LMLN: variants seen among roughly 807,000 people sequenced by gnomAD.
LMLN encodes leishmanolysin-like peptidase.
Under a neutral mutation model 92.3 loss-of-function variants are expected in LMLN, and 70 were observed. The ratio of observed to expected loss-of-function variants is 0.76; its 90% confidence interval spans 0.63 to 0.92. The LOEUF (loss-of-function observed/expected upper bound fraction) is 0.92. LMLN is among the 40% of genes least tolerant of loss of function. The probability of loss-of-function intolerance (pLI) is 0.00; values close to 1 mark genes in which losing one functional copy is unlikely to be tolerated. For missense variants in LMLN, 691 were observed against 814.6 expected (o/e 0.85, Z 1.85); for synonymous variants, 308 against 296.2 (o/e 1.04, Z -0.41).
intron 14 of LMLN, among the ~76,000 whole-genome samples, chr3:198,028,649 A>G (rs942180977): frequency 6.6e-6 from 1 of 152,172 alleles, no homozygotes; most frequent in Non-Finnish European, 1.5e-5. Flanking sequence ...TTTTAATATA[A>G]ATTTTTAAGT....
chr3:197,996,647 G>T (rs1250566844), intron 10 of LMLN: 1 of 155,160 alleles, frequency 6.4e-6, no homozygotes, highest in African/African-American at 2.4e-5. Flanking sequence ...AGACTTGTGG[G>T]AAAAACAAGT....
chr3:197,976,090 C>G (rs369836591), exon 4 of LMLN: 3 of 1,605,048 alleles, frequency 1.9e-6, no homozygotes, highest in Non-Finnish European at 2.6e-6. Context: ...CGTCGACCTG[C>G]GGGCACTATC....
rs1721121071 is a variant in LMLN at position 197,968,356 on chromosome 3, GCTA to G, written c.220-6018_220-6016del. ...GTGGTGGCAGGCACCTGTAGTCCCA[GCTA>G]CTTGGGAGGCTGAGGCAGGAGAATG... On this transcript the variant is annotated intron_variant, in intron 1 of 15. Transcript: ENST00000330198. 2.0e-5 allele frequency among the ~76,000 whole-genome samples: 3 copies of G among 152,070 alleles called. No homozygotes were observed. The South Asian group carries it at 6.2e-4, about 31-fold the overall frequency.
At chr3:198,024,097 A>G (rs1440862646) in intron 13 of LMLN, among the ~76,000 whole-genome samples, 1 of 151,954 alleles carries the variant, frequency 6.6e-6, no homozygotes, top group African/African-American at 2.4e-5. Context: ...TCTTCTATAT[A>G]TTTAACCTAG....
intron 8 of LMLN, 105 bp downstream of exon 8, chr3:197,985,995 G>T: frequency 1.4e-6 from 1 of 691,658 alleles, no homozygotes; most frequent in South Asian, 1.9e-5. Context: ...ATGTCTTCAT[G>T]GCAAACCTAA....
intron 11 of LMLN, among the ~76,000 whole-genome samples, chr3:198,014,383 T>C (rs1722554475): frequency 9.9e-6 from 1 of 101,090 alleles, no homozygotes; most frequent in African/African-American, 4.2e-5. Context: ...GTCTAACTTC[T>C]CTGTATCCTT....
At chr3:197,995,896 C>CA (rs1373393802) in intron 9 of LMLN, among the ~76,000 whole-genome samples, 1 of 152,048 alleles carries the variant, frequency 6.6e-6, no homozygotes, top group African/African-American at 2.4e-5. Flanking sequence ...TTACAACTGT[C>CA]AATCATCCTA....
chr3:198,039,598 C>CT (rs1723341780), exon 16 of LMLN: 5 of 148,648 alleles, frequency 3.4e-5, no homozygotes, highest in African/African-American at 1.3e-4. Context: ...GACCCTGTAT[C>CT]TTAAAAAAAA....
chr3:197,997,843 G>C (rs762463212), intron 10 of LMLN, among the ~76,000 whole-genome samples: 5 of 152,104 alleles, frequency 3.3e-5, no homozygotes, highest in Non-Finnish European at 7.4e-5. Flanking sequence ...TATGAATGTA[G>C]CATAACAGTT....
At chr3:197,969,880 A>G (rs546484564) in intron 1 of LMLN, among the ~76,000 whole-genome samples, 1 of 152,340 alleles carries the variant, frequency 6.6e-6, no homozygotes, top group African/African-American at 2.4e-5. Context: ...ACAGTGGCTC[A>G]TGCTTGTAAT....
chr3:197,968,052 A>T (rs941238350), intron 1 of LMLN, among the ~76,000 whole-genome samples: 1 of 152,208 alleles, frequency 6.6e-6, no homozygotes, highest in Non-Finnish European at 1.5e-5. Context: ...GTTCAAACAC[A>T]CATGTTTTAC....
At chr3:197,974,998 G>A (rs778723894) in intron 2 of LMLN, 44 bp from the exon 3 acceptor site, 132 of 1,295,320 alleles carry the variant, frequency 1.0e-4, no homozygotes, top group Non-Finnish European at 1.3e-4. Flanking sequence ...CATGTGCTAT[G>A]CCTCTGAGAG....
intron 1 of LMLN, among the ~76,000 whole-genome samples, chr3:197,965,007 CAAA>C (rs954254964): frequency 9.9e-5 from 9 of 91,042 alleles, no homozygotes; most frequent in South Asian, 3.4e-4. Context: ...AACTCTGTCT[CAAA>C]AAAAAAAAAA....
chr3:197,985,939 A>C (rs761962306), intron 8 of LMLN, 49 bp downstream of exon 8: 1 of 1,131,854 alleles, frequency 8.8e-7, no homozygotes, highest in South Asian at 1.2e-5. Context: ...GAGGGTGCTA[A>C]GACTAGAATC....
At chr3:197,975,688 A>G (rs760958089) in intron 3 of LMLN, among the ~76,000 whole-genome samples, 1 of 152,244 alleles carries the variant, frequency 6.6e-6, no homozygotes, top group Non-Finnish European at 1.5e-5. Flanking sequence ...GTTGAGATAT[A>G]TCACAGTTTT....
At chr3:197,968,859 T>A (rs894866178) in intron 1 of LMLN, among the ~76,000 whole-genome samples, 1 of 152,264 alleles carries the variant, frequency 6.6e-6, no homozygotes, top group African/African-American at 2.4e-5. Flanking sequence ...TTGAAAGTCA[T>A]AAACTATGAA....
intron 1 of LMLN, among the ~76,000 whole-genome samples, chr3:197,961,436 C>T (rs989073185): frequency 6.6e-6 from 1 of 152,208 alleles, no homozygotes; most frequent in Non-Finnish European, 1.5e-5. Flanking sequence ...CATGCATACT[C>T]TTCATAACCA....
rs769025220 is a variant in LMLN, at chr3:197,984,100, T to G, written c.834+52T>G. On this transcript the variant is annotated intron_variant, in intron 7 of 15. Coordinates refer to ENST00000330198, the Ensembl canonical transcript of LMLN. Reference sequence around the variant, plus strand: ...CTTCATGCCTTGATTTTCTGCTTAGTATGTTCTCATTTTTATACATATATT... The same window carrying G: ...CTTCATGCCTTGATTTTCTGCTTAGGATGTTCTCATTTTTATACATATATT... 7 of 1,161,928 alleles carry G rather than the reference T, an allele frequency of 6.0e-6. No individual in the cohort carries two copies. The Admixed American group carries it at 1.2e-4, about 20-fold the overall frequency. 72.0% of individuals were successfully genotyped at this position (1,161,928 alleles called of 1,614,324 possible). A position where few individuals can be genotyped will look rare whatever the true frequency, so the allele number is the denominator to read the frequency against.
chr3:198,028,238 A>G (rs1215432066), intron 14 of LMLN, among the ~76,000 whole-genome samples: 1 of 151,836 alleles, frequency 6.6e-6, no homozygotes, highest in Non-Finnish European at 1.5e-5. Flanking sequence ...CCATGTTCAC[A>G]TTAGGGTTCA....
Sources: gnomAD v4.1 joint callset for allele counts (sites outside exome capture counted in the v4.1 genomes callset) on GRCh38, gnomAD v4.1.1 for gene constraint, MANE v1.5 for transcripts, NCBI Gene and HGNC (gene_info 2026-07-23, HGNC 2026-07-21) for gene names.